Variants in ABTB3 observed in about 807,000 individuals in gnomAD.
ABTB3 encodes the protein ankyrin repeat- and BTB/POZ domain-containing protein 3.
At chr12:107,516,480 C>T in the ABTB3 span, among the ~76,000 whole-genome samples, 2 of 152,194 alleles carry the variant, frequency 1.3e-5, no homozygotes, top group Non-Finnish European at 2.9e-5. Flanking sequence ...GATCCGCCCA[C>T]CTCGGCCTCC....
chr12:107,653,245 A>G, the ABTB3 span, among the ~76,000 whole-genome samples: 1 of 152,206 alleles, frequency 6.6e-6, no homozygotes. Context: ...GGCCGGGCAC[A>G]GTGGCTTATG....
At chr12:107,554,323 C>T in the ABTB3 span, among the ~76,000 whole-genome samples, 3 of 151,606 alleles carry the variant, frequency 2.0e-5, no homozygotes, top group African/African-American at 7.3e-5. Context: ...TACATGTATA[C>T]ATCAATTAGG....
chr12:107,453,918 C>T, the ABTB3 span, among the ~76,000 whole-genome samples: 1 of 152,068 alleles, frequency 6.6e-6, no homozygotes, highest in Non-Finnish European at 1.5e-5. Flanking sequence ...TTGGATGACT[C>T]CTGAGTTTCC....
At chr12:107,578,756 G>A in the ABTB3 span, among the ~76,000 whole-genome samples, 1 of 152,202 alleles carries the variant, frequency 6.6e-6, no homozygotes, top group African/African-American at 2.4e-5. Context: ...AGGTGATGGA[G>A]AGAATGGGAG....
chr12:107,319,269 G>C, the ABTB3 span: 9 of 1,549,824 alleles, frequency 5.8e-6, no homozygotes, highest in Non-Finnish European at 7.8e-6. Flanking sequence ...CTGCTGCTGC[G>C]TTCGCGGGAT....
chr12:107,516,039 GTGTGTGTGTGTGTGTGCGCA>G, the ABTB3 span, among the ~76,000 whole-genome samples: 1 of 118,596 alleles, frequency 8.4e-6, no homozygotes, highest in African/African-American at 4.0e-5. Context: ...GTGTGCATGT[GTGTGTGTGTGTGTGTGCGCA>G]CACACACACC....
chr12:107,432,093 C>T, the ABTB3 span, among the ~76,000 whole-genome samples: 2 of 152,210 alleles, frequency 1.3e-5, no homozygotes, highest in Non-Finnish European at 2.9e-5. Context: ...CCCACAGCCA[C>T]AGGGCCATTT....
At chr12:107,578,383 C>T in the ABTB3 span, among the ~76,000 whole-genome samples, 155 of 57,172 alleles carry the variant, frequency 2.7e-3, no homozygotes, top group African/African-American at 7.5e-3. Flanking sequence ...CTTTCTTCTT[C>T]TTTTTTTTTT....
the ABTB3 span, chr12:107,651,818 C>T: frequency 6.4e-7 from 1 of 1,572,322 alleles, no homozygotes. Flanking sequence ...GCAGTGCGCA[C>T]ACAGGAGCGC....
chr12:107,592,296 T>C, the ABTB3 span, among the ~76,000 whole-genome samples: 3 of 152,172 alleles, frequency 2.0e-5, no homozygotes, highest in Non-Finnish European at 2.9e-5. Context: ...CAAGCAAAGA[T>C]GTAGAATAGT....
At chr12:107,470,448 T>C in the ABTB3 span, among the ~76,000 whole-genome samples, 1 of 152,074 alleles carries the variant, frequency 6.6e-6, no homozygotes, top group African/African-American at 2.4e-5. Flanking sequence ...CCAGGGAACA[T>C]TGAGAGCCTA....
At chr12:107,352,187 G>A in the ABTB3 span, among the ~76,000 whole-genome samples, 2 of 152,116 alleles carry the variant, frequency 1.3e-5, no homozygotes, top group African/African-American at 4.8e-5. Flanking sequence ...AGGGTGCTGT[G>A]GGTACCTTGT....
At chr12:107,364,408 C>A in the ABTB3 span, among the ~76,000 whole-genome samples, 1 of 151,898 alleles carries the variant, frequency 6.6e-6, no homozygotes, top group East Asian at 1.9e-4. Flanking sequence ...CTTGCCTCAG[C>A]CCTCCTGAGT....
the ABTB3 span, among the ~76,000 whole-genome samples, chr12:107,502,697 G>A: frequency 1.3e-5 from 2 of 152,194 alleles, no homozygotes; most frequent in African/African-American, 4.8e-5. Context: ...CCTGAGTGCC[G>A]CCTCCTGTCC....
chr12:107,502,600 C>T, the ABTB3 span, among the ~76,000 whole-genome samples: 2 of 152,004 alleles, frequency 1.3e-5, no homozygotes. Context: ...TCCCCAAACC[C>T]CAGCCCACAG....
chr12:107,581,086 A>T, the ABTB3 span: 2 of 1,545,220 alleles, frequency 1.3e-6, no homozygotes, highest in Non-Finnish European at 1.7e-6. Context: ...GGGTGGGGCC[A>T]AGCCGGCAGC....
chr12:107,425,034 C>G, the ABTB3 span, among the ~76,000 whole-genome samples: 1 of 152,268 alleles, frequency 6.6e-6, no homozygotes, highest in Admixed American at 6.5e-5. Flanking sequence ...AAATCCAGAC[C>G]CGGTCATCTC....
chr12:107,547,537 G>A, the ABTB3 span, among the ~76,000 whole-genome samples: 1 of 152,228 alleles, frequency 6.6e-6, no homozygotes, highest in African/African-American at 2.4e-5. Context: ...GAGCAGGGAA[G>A]GAGAGCAAAG....
the ABTB3 span, among the ~76,000 whole-genome samples, chr12:107,460,975 A>G: frequency 6.6e-6 from 1 of 152,160 alleles, no homozygotes; most frequent in South Asian, 2.1e-4. Flanking sequence ...ATAAAGACAT[A>G]CCCAAGACTG....
Sources: allele counts gnomAD v4.1 joint callset (sites outside exome capture counted in the v4.1 genomes callset), GRCh38; gene constraint gnomAD v4.1.1; transcripts MANE v1.5; gene names NCBI Gene and HGNC (gene_info 2026-07-23, HGNC 2026-07-21).